BBS5: variants seen among roughly 807,000 people sequenced by gnomAD.
BBS5 encodes the protein BBSome complex member BBS5.
BBS5 carries 39 observed loss-of-function variants against 50.2 expected under a neutral mutation model. The observed-to-expected ratio is 0.78, with a 90% CI of 0.60 to 1.01. The LOEUF is 1.01. Among genes scored for constraint, BBS5 ranks in the 50% least tolerant of loss-of-function variants. The probability of loss-of-function intolerance (pLI) is 0.00; values close to 1 mark genes in which losing one functional copy is unlikely to be tolerated. For missense variants in BBS5, 356 were observed against 401.5 expected, an observed-to-expected ratio of 0.89 and a Z score of 0.97; for synonymous variants, 134 against 133.1, an observed-to-expected ratio of 1.01 and a Z score of -0.05.
chr2:169,504,437 C>T, intron 11 of BBS5, 44 bp from the exon 12 acceptor site: 1 of 1,587,858 alleles, frequency 6.3e-7, no homozygotes, highest in Non-Finnish European at 8.6e-7. Context: ...CTCTTCCTTG[C>T]CCACCTTCTC....
chr2:169,493,799 A>G lies in BBS5; in HGVS notation c.581A>G (p.Asn194Ser), dbSNP rs781755708. 1.2e-6 allele frequency: 2 copies of G among 1,612,410 alleles called. No individual in the cohort carries two copies. The highest frequency in any genetic ancestry group is 1.3e-5 in the African/African-American group (1 of 75,004). ...AGAATTGTGTGGCATGCAAATATGA[A>G]TGATAGTTTTAATGTCAGTATACCA... The part of the protein sequence containing the change: ...NVRIVWHANM[N>S]DSFNVSIPYL... The change falls in exon 7 of 12, where the codon AAT (asparagine) becomes AGT (serine). Residue 194 changes from asparagine (N) to serine (S), a missense_variant. Coordinates refer to ENST00000295240, the MANE Select transcript of BBS5 (RefSeq NM_152384.3).
chr2:169,482,003 T>C (rs1004255821), intron 1 of BBS5, among the ~76,000 whole-genome samples: 2 of 152,226 alleles, frequency 1.3e-5, no homozygotes, highest in Admixed American at 6.5e-5. Flanking sequence ...TTTCTTTTCC[T>C]TTTATTTTTC....
At position 169,493,698 on chromosome 2, in the gene BBS5, C is replaced by CA. The variant is rs778388955; in HGVS notation, c.523-36dup. 6 of 1,359,120 alleles carry CA rather than the reference C, an allele frequency of 4.4e-6. No individual in the cohort carries two copies. In the African/African-American group the frequency reaches 5.7e-5, roughly 13 times the overall value. The allele number at this position is 1,359,120 out of a possible 1,614,324, so 84.2% of individuals were successfully genotyped here. On this transcript the variant is annotated intron_variant, in intron 6 of 11. Transcript: ENST00000295240. The stretch of plus-strand genomic sequence containing the variant: ...TGATTAGAAAATAAAGAATAGGTAC[C>CA]AAAAAAATGATCATTTCGGTATCTC...
chr2:169,498,761 C>A (rs190776600), intron 8 of BBS5, among the ~76,000 whole-genome samples: 1 of 149,284 alleles, frequency 6.7e-6, no homozygotes, highest in African/African-American at 2.5e-5. Context: ...GAGCCGAGAT[C>A]GCGCCGCTGC....
At chr2:169,491,083 G>C (rs1329115251) in intron 5 of BBS5, among the ~76,000 whole-genome samples, 1 of 152,082 alleles carries the variant, frequency 6.6e-6, no homozygotes, top group Non-Finnish European at 1.5e-5. Flanking sequence ...GGACATTTGG[G>C]TTTTTTACTT....
chr2:169,480,581 A>G (rs1683372067), intron 1 of BBS5, among the ~76,000 whole-genome samples: 1 of 150,994 alleles, frequency 6.6e-6, no homozygotes, highest in Admixed American at 6.6e-5. Flanking sequence ...AACATGTTAG[A>G]CCCTTTAAGA....
At chr2:169,496,384 C>A (rs1045747029) in intron 7 of BBS5, among the ~76,000 whole-genome samples, 3 of 152,150 alleles carry the variant, frequency 2.0e-5, no homozygotes, top group Non-Finnish European at 4.4e-5. Context: ...AATATTCAAA[C>A]TTATTTTTAA....
chr2:169,505,988 G>C lies in BBS5; in HGVS notation c.*1406G>C, dbSNP rs1389065611. On this transcript the variant is annotated 3_prime_UTR_variant, in exon 12 of 12. Transcript: ENST00000295240. ...AGCCCCCCGCCCGGCCAGCCGCCCC[G>C]TCCGGGAGGGAGGTGGGGGATCAGC... The C allele has an allele frequency of 3.2e-5, 2 of 62,640 alleles. No homozygotes were observed. Among genetic ancestry groups the C allele is most frequent in the African/African-American group, 7.6e-5 (2 of 26,254 alleles). 3.9% of individuals were successfully genotyped at this position (62,640 alleles called of 1,614,324 possible).
At chr2:169,484,759 T>C (rs1683460601) in intron 2 of BBS5, among the ~76,000 whole-genome samples, 1 of 152,190 alleles carries the variant, frequency 6.6e-6, no homozygotes, top group Admixed American at 6.5e-5. Flanking sequence ...ATAACCAATG[T>C]ATCTATAATC....
At chr2:169,493,147 A>T in intron 6 of BBS5, 138 bp downstream of exon 6, 1 of 990,842 alleles carries the variant, frequency 1.0e-6, no homozygotes, top group Admixed American at 1.8e-5. Context: ...CAATAAGTAC[A>T]AGTTAGGTTG....
In BBS5 at chr2:169,482,278, C is replaced by T. The variant is rs770767607; in HGVS notation, c.87C>T (p.Val29=). ...AAATGAAAACAAGACCTGGAGAAGT[C>T]CTTATTGATTGTTTAGATTCCATTG... ...AQQMKTRPGE[V]LIDCLDSIED... Residue 29 remains valine, a synonymous_variant, in exon 2 of 12, where the codon GTC becomes GTT. Transcript: ENST00000295240. 6.2e-7 allele frequency: 1 copy of T among 1,610,344 alleles called. No homozygotes were observed. Among genetic ancestry groups the T allele is most frequent in the Non-Finnish European group, 8.5e-7 (1 of 1,176,918 alleles).
In BBS5 at chr2:169,487,055, CTG is replaced by C. The variant is rs768888136; in HGVS notation, c.143-9_143-8del. The C allele has an allele frequency of 3.1e-6, 5 of 1,596,464 alleles. No homozygotes were observed. The East Asian group carries it at 1.1e-4, about 36-fold the overall frequency. On this transcript the variant is annotated splice_polypyrimidine_tract_variant and intron_variant, in intron 2 of 11. Coordinates refer to ENST00000295240, the MANE Select transcript of BBS5 (RefSeq NM_152384.3). ...TTATTTAAGTTAACCTATTTTTTGT[CTG>C]TGTGCTTTTAGGTAGACTCTTGGTA...
At chr2:169,492,778 C>A in intron 5 of BBS5, 96 bp from the exon 6 acceptor site, 1 of 1,061,656 alleles carries the variant, frequency 9.4e-7, no homozygotes, top group South Asian at 1.5e-5. Context: ...GAGTAATGTT[C>A]ATAAATACTA....
At chr2:169,486,922 G>T (rs2105294165) in intron 2 of BBS5, 147 bp from the exon 3 acceptor site, 2 of 696,144 alleles carry the variant, frequency 2.9e-6, no homozygotes, top group Non-Finnish European at 5.2e-6. Context: ...ATATAGGTTG[G>T]ATATGCACAA....
Position 169,492,951 on chromosome 2 carries a change from TG to T in BBS5, c.465del (p.Leu155PhefsTer10), listed in dbSNP as rs1240721975. 4 of 1,613,456 alleles carry T rather than the reference TG, an allele frequency of 2.5e-6. No individual in the cohort carries two copies. The highest frequency in any genetic ancestry group is 3.4e-6 in the Non-Finnish European group (4 of 1,179,640). On this transcript the variant is annotated frameshift_variant, in exon 6 of 12. Coordinates refer to ENST00000295240, the MANE Select transcript of BBS5 (RefSeq NM_152384.3). LOFTEE classifies it high-confidence loss of function. ...ATTCAGAACAAGCAACTAAGACTGT[TG>T]CCACAAGAACATGTATATGATAAAA... ...ALIQNKQLRLLPQEHVYDKIN... is the reference protein window; with the variant it reads ...ALIQNKQLRLXPQEHVYDKIN...
At chr2:169,484,225 T>C (rs921838615) in intron 2 of BBS5, among the ~76,000 whole-genome samples, 1 of 151,632 alleles carries the variant, frequency 6.6e-6, no homozygotes. Context: ...CTACAGAAAA[T>C]AAAAAGAATT....
intron 7 of BBS5, among the ~76,000 whole-genome samples, chr2:169,495,316 T>A (rs1274974233): frequency 6.6e-6 from 1 of 152,254 alleles, no homozygotes; most frequent in East Asian, 1.9e-4. Context: ...TACATTAATG[T>A]GTTATAGCTT....
chr2:169,497,978 C>A (rs1395262614), intron 8 of BBS5, among the ~76,000 whole-genome samples: 1 of 152,160 alleles, frequency 6.6e-6, no homozygotes, highest in East Asian at 1.9e-4. Flanking sequence ...AATCTTTACA[C>A]AATCCTACGA....
In BBS5 at chr2:169,487,240, A is replaced by C. The variant is rs954299754; in HGVS notation, c.208+106A>C. 3.8e-6 allele frequency: 3 copies of C among 786,312 alleles called. No individual in the cohort carries two copies. In the East Asian group the frequency reaches 7.5e-5, roughly 20 times the overall value. 48.7% of individuals were successfully genotyped at this position (786,312 alleles called of 1,614,324 possible). On this transcript the variant is annotated intron_variant, in intron 3 of 11. Transcript: ENST00000295240. ...AGTATGTAGAAATATTAATAAAAATAAAAAACCTTCAGAAATCCTAGACAT... is the reference window on the plus strand; with the variant it reads ...AGTATGTAGAAATATTAATAAAAATCAAAAACCTTCAGAAATCCTAGACAT...
Sources: allele counts gnomAD v4.1 joint callset (sites outside exome capture counted in the v4.1 genomes callset), GRCh38; gene constraint gnomAD v4.1.1; transcripts MANE v1.5; gene names NCBI Gene and HGNC (gene_info 2026-07-23, HGNC 2026-07-21).